Variants in PBX4 observed in about 807,000 individuals in gnomAD.
PBX4 encodes pre-B-cell leukemia transcription factor 4.
Under a neutral mutation model 35.1 loss-of-function variants are expected in PBX4, and 26 were observed. The ratio of observed to expected loss-of-function variants is 0.74; its 90% CI spans 0.54 to 1.03. The LOEUF (loss-of-function observed/expected upper bound fraction) is 1.03. Ranked by LOEUF, PBX4 falls within the 50% of genes least tolerant of loss-of-function variation. The probability of loss-of-function intolerance (pLI) is 0.00; values close to 1 mark genes in which losing one functional copy is unlikely to be tolerated. For synonymous variants in PBX4, 199 were observed against 204.2 expected, an observed-to-expected ratio of 0.97 and a Z score of 0.22; for missense variants, 448 against 504.3, an observed-to-expected ratio of 0.89 and a Z score of 1.07.
chr19:19,593,312 G>A (rs945655715), intron 2 of PBX4, among the ~76,000 whole-genome samples: 3 of 152,184 alleles, frequency 2.0e-5, no homozygotes, highest in Non-Finnish European at 4.4e-5. Context: ...GGGTTAAATC[G>A]AGAAGCACGC....
rs1299514745 is a variant in PBX4, at chr19:19,562,707, G to T, written c.1033-590C>A. ...GGCTGGGACTGCTCTGCCCGTGAGT[G>T]TGGGAGCAGCTCAGACGGGTGCACC... On this transcript the variant is annotated intron_variant, in intron 7 of 7. Coordinates refer to ENST00000251203, the MANE Select transcript of PBX4 (RefSeq NM_025245.3). The surrounding 1 kb of genome is among the most constrained non-coding windows in gnomAD (Gnocchi z 4.8). Among the ~76,000 whole-genome samples, 1 of 152,334 alleles carries T rather than the reference G, an allele frequency of 6.6e-6. No individual in the cohort carries two copies. Among genetic ancestry groups the T allele is most frequent in the Non-Finnish European group, 1.5e-5 (1 of 68,028 alleles).
At chr19:19,603,559 A>T (rs2061610442) in intron 1 of PBX4, among the ~76,000 whole-genome samples, 1 of 152,200 alleles carries the variant, frequency 6.6e-6, no homozygotes, top group Non-Finnish European at 1.5e-5. Context: ...GGCATGAGCC[A>T]CGGTGCCCAG....
chr19:19,586,472 C>T lies in PBX4; in HGVS notation c.193+12820G>A, dbSNP rs118015462. Among the ~76,000 whole-genome samples the T allele has an allele frequency of 9.9e-3, 1,502 of 152,064 alleles. 13 individuals carry two copies. The highest frequency in any genetic ancestry group is 0.024 in the Middle Eastern group (7 of 294). ...GCTAATGCTGAGTAAAAATGATATGCGGTTTAGGCTTGTTTTTCTGTGCTA... is the reference window on the plus strand; with the variant it reads ...GCTAATGCTGAGTAAAAATGATATGTGGTTTAGGCTTGTTTTTCTGTGCTA... On this transcript the variant is annotated intron_variant, in intron 2 of 7. Coordinates refer to ENST00000251203, the MANE Select transcript of PBX4 (RefSeq NM_025245.3).
At chr19:19,572,841 C>T (rs1224696746) in intron 2 of PBX4, among the ~76,000 whole-genome samples, 1 of 120,938 alleles carries the variant, frequency 8.3e-6, no homozygotes, top group Admixed American at 1.1e-4. Flanking sequence ...GTGACAAGGG[C>T]GAGACTCCGT....
chr19:19,587,523 G>C (rs1020091806), intron 2 of PBX4, among the ~76,000 whole-genome samples: 1 of 149,836 alleles, frequency 6.7e-6, no homozygotes, highest in East Asian at 2.0e-4. Context: ...GGGAGGCAGA[G>C]GTTGTGGTGA....
intron 2 of PBX4, among the ~76,000 whole-genome samples, chr19:19,591,197 A>G (rs1044948061): frequency 1.3e-5 from 2 of 152,182 alleles, no homozygotes; most frequent in East Asian, 3.9e-4. Flanking sequence ...CCCAGGGTAC[A>G]GCTAATTAGA....
At chr19:19,568,809 T>A (rs970455370) in intron 5 of PBX4, among the ~76,000 whole-genome samples, 1 of 143,692 alleles carries the variant, frequency 7.0e-6, no homozygotes, top group Non-Finnish European at 1.5e-5. Flanking sequence ...GTTCACACTC[T>A]GTCTGTAACC....
Position 19,569,452 on chromosome 19 carries a change from G to A in PBX4, c.765C>T (p.Ser255=). ...ELARKGGLTI[S]QVSNWFGNKR... ...ACGTGGCAGGAGAGAACGTCACCTG[G>A]GAGATGGTGAGGCCGCCCTTCCTGG... Residue 255 remains serine (S), a synonymous_variant, in exon 5 of 8, where the codon TCC becomes TCT. Coordinates refer to ENST00000251203, the MANE Select transcript of PBX4 (RefSeq NM_025245.3). 1 of 1,611,334 alleles carries A rather than the reference G, an allele frequency of 6.2e-7. No homozygotes were observed. The highest frequency in any genetic ancestry group is 8.5e-7 in the Non-Finnish European group (1 of 1,178,924).
intron 4 of PBX4, among the ~76,000 whole-genome samples, chr19:19,569,879 C>T (rs1839527042): frequency 6.6e-6 from 1 of 152,124 alleles, no homozygotes. Flanking sequence ...CACTGCACTC[C>T]AGCCTGGGCA....
At position 19,563,796 on chromosome 19, in the gene PBX4, C is replaced by G; in HGVS notation, c.926-181G>C. 1.7e-6 allele frequency: 1 copy of G among 585,452 alleles called. No individual in the cohort carries two copies. The highest frequency in any genetic ancestry group is 3.1e-6 in the Non-Finnish European group (1 of 324,104). 36.3% of individuals were successfully genotyped at this position (585,452 alleles called of 1,614,324 possible). A position where few individuals can be genotyped will look rare whatever the true frequency, so the allele number is the denominator to read the frequency against. Reference sequence around the variant, plus strand: ...GCCCTCCCCACCACACTACTCATGTCCCCTCATGGCTTGTCTTTTTTTTTT... The same window carrying G: ...GCCCTCCCCACCACACTACTCATGTGCCCTCATGGCTTGTCTTTTTTTTTT... On this transcript the variant is annotated intron_variant, in intron 6 of 7. Coordinates refer to ENST00000251203, the MANE Select transcript of PBX4 (RefSeq NM_025245.3). The surrounding 1 kb of genome is among the most constrained non-coding windows in gnomAD (Gnocchi z 5.1).
intron 3 of PBX4, 110 bp from the exon 4 acceptor site, chr19:19,570,409 G>T: frequency 1.4e-6 from 2 of 1,434,752 alleles, no homozygotes; most frequent in Non-Finnish European, 9.4e-7. Context: ...TTCACACACC[G>T]GCGGGTGACT....
At chr19:19,618,397 C>T in intron 1 of PBX4, 114 bp downstream of exon 1, 1 of 1,017,814 alleles carries the variant, frequency 9.8e-7, no homozygotes, top group Non-Finnish European at 1.3e-6. Flanking sequence ...CGGGACCCCC[C>T]TCCAGCCCTC....
In PBX4 at chr19:19,562,011, C is replaced by T. The variant is rs1313676179; in HGVS notation, c.*14G>A. 1 of 1,605,884 alleles carries T rather than the reference C, an allele frequency of 6.2e-7. No individual in the cohort carries two copies. The highest frequency in any genetic ancestry group is 2.2e-5 in the East Asian group (1 of 44,524). ...GCAGCTCACGCAGCGCTCTTTCCTG[C>T]TTATCCCCCAAACTTAATTAGATGT... On this transcript the variant is annotated 3_prime_UTR_variant, in exon 8 of 8. Transcript: ENST00000251203. This position sits in a 1 kb window ranked among gnomAD's most constrained non-coding sequence, Gnocchi z 4.8.
intron 2 of PBX4, among the ~76,000 whole-genome samples, chr19:19,575,863 CAT>C (rs1329875547): frequency 1.3e-5 from 2 of 152,152 alleles, no homozygotes; most frequent in Non-Finnish European, 2.9e-5. Flanking sequence ...GGCCAGGTGT[CAT>C]GTGTGGGCGG....
In PBX4 at chr19:19,563,520, G is replaced by A; in HGVS notation, c.1021C>T (p.Leu341=). Residue 341 remains leucine (L), a synonymous_variant, in exon 7 of 8, where the codon CTG becomes TTG. Transcript: ENST00000251203. This position sits in a 1 kb window ranked among gnomAD's most constrained non-coding sequence, Gnocchi z 5.1. ...SLQPPPGGGC[L]QSQAQGSWQG... Reference sequence around the variant, plus strand: ...TGCCTGAGACTCACCTGGGACTGCAGGCAGCCTCCCCCAGGAGGAGGCTGG... The same window carrying A: ...TGCCTGAGACTCACCTGGGACTGCAAGCAGCCTCCCCCAGGAGGAGGCTGG... 4 of 1,547,860 alleles carry A rather than the reference G, an allele frequency of 2.6e-6. No homozygotes were observed. The highest frequency in any genetic ancestry group is 1.2e-5 in the South Asian group (1 of 83,564).
chr19:19,612,258 C>T (rs1434171976), intron 1 of PBX4, among the ~76,000 whole-genome samples: 1 of 152,090 alleles, frequency 6.6e-6, no homozygotes, highest in Non-Finnish European at 1.5e-5. Context: ...GCGAGGGCAA[C>T]AGAGTGAGAC....
chr19:19,595,421 C>T (rs2061555236), intron 2 of PBX4, among the ~76,000 whole-genome samples: 1 of 152,082 alleles, frequency 6.6e-6, no homozygotes, highest in African/African-American at 2.4e-5. Context: ...TGCTGAAGCA[C>T]CATCAGGGAG....
At chr19:19,579,139 A>C (rs1481965756) in intron 2 of PBX4, among the ~76,000 whole-genome samples, 1 of 152,114 alleles carries the variant, frequency 6.6e-6, no homozygotes, top group Non-Finnish European at 1.5e-5. Flanking sequence ...TCACAAGGTC[A>C]ATAGATCGAG....
rs563778964 is a variant in PBX4 at position 19,602,398 on chromosome 19, G to A, written c.120-3033C>T. 2.0e-5 allele frequency among the ~76,000 whole-genome samples: 3 copies of A among 152,174 alleles called. No individual in the cohort carries two copies. In the East Asian group the frequency reaches 5.8e-4, roughly 29 times the overall value. On this transcript the variant is annotated intron_variant, in intron 1 of 7. Transcript: ENST00000251203. ...CAAAGTCTTTGATGTTTATCATAAG[G>A]GAGATCAAACAAACATAACAGGTGC... is the stretch of plus-strand genomic sequence containing the variant.
Sources: gnomAD v4.1 joint callset for allele counts (sites outside exome capture counted in the v4.1 genomes callset) on GRCh38, gnomAD v4.1.1 for gene constraint, Gnocchi (gnomAD v3.1) non-coding constraint, MANE v1.5 for transcripts, NCBI Gene and HGNC (gene_info 2026-07-23, HGNC 2026-07-21) for gene names.